Variants in MLLT1 observed in about 807,000 individuals in gnomAD.
MLLT1 encodes the protein protein ENL.
Under a neutral mutation model 55.1 loss-of-function variants are expected in MLLT1, and 11 were observed. The ratio of observed to expected loss-of-function variants is 0.20; its 90% CI spans 0.13 to 0.33. The LOEUF is 0.33. MLLT1 is among the 10% of genes least tolerant of loss of function. The pLI is 1.00. For synonymous variants in MLLT1, 323 were observed against 320.1 expected (o/e 1.01, Z -0.10); for missense variants, 536 against 760.6 (o/e 0.70, Z 3.47).
Position 6,230,182 on chromosome 19 carries a change from C to T in MLLT1, c.420+388G>A, listed in dbSNP as rs756426924. Among the ~76,000 whole-genome samples the T allele has an allele frequency of 5.8e-4, 88 of 152,296 alleles. No individual in the cohort carries two copies. The highest frequency in any genetic ancestry group is 1.2e-3 in the Admixed American group (18 of 15,306). On this transcript the variant is annotated intron_variant, in intron 4 of 11. Transcript: ENST00000252674. This position sits in a 1 kb window ranked among gnomAD's most constrained non-coding sequence, Gnocchi z 9.0. Reference sequence around the variant, plus strand: ...CCCAGAGCTGGCACTGTCGTCTGGCCTCCCGAAGTCAGAGGTGATGGCGAT... The same window carrying T: ...CCCAGAGCTGGCACTGTCGTCTGGCTTCCCGAAGTCAGAGGTGATGGCGAT...
chr19:6,217,287 C>T (rs1293094403), intron 7 of MLLT1, among the ~76,000 whole-genome samples: 1 of 152,186 alleles, frequency 6.6e-6, no homozygotes, highest in Non-Finnish European at 1.5e-5. Context: ...GGATTCCAGG[C>T]CAAGGGGGAA....
At position 6,231,329 on chromosome 19, in the gene MLLT1, G is replaced by A. The variant is rs1372815855; in HGVS notation, c.277-616C>T. On this transcript the variant is annotated intron_variant, in intron 3 of 11. Transcript: ENST00000252674. This position sits in a 1 kb window ranked among gnomAD's most constrained non-coding sequence, Gnocchi z 5.1. ...GGCGCTGATGGATTTTCCGCACGAA[G>A]GTGTGAGGAGTTGACAGGGTGGCCT... Among the ~76,000 whole-genome samples the A allele has an allele frequency of 1.3e-5, 2 of 152,182 alleles. No homozygotes were observed. The highest frequency in any genetic ancestry group is 3.9e-4 in the East Asian group (2 of 5,184).
chr19:6,233,697 C>G (rs552600058), intron 3 of MLLT1, among the ~76,000 whole-genome samples: 1 of 152,366 alleles, frequency 6.6e-6, no homozygotes, highest in East Asian at 1.9e-4. Flanking sequence ...GGATGCCAGG[C>G]CCTGGCGCCT....
chr19:6,260,496 G>C (rs1409665894), intron 3 of MLLT1, among the ~76,000 whole-genome samples: 2 of 152,226 alleles, frequency 1.3e-5, no homozygotes, highest in Non-Finnish European at 2.9e-5. Context: ...TACTAAGCAA[G>C]GATGACAAGC....
intron 3 of MLLT1, among the ~76,000 whole-genome samples, chr19:6,255,126 C>T (rs1026771119): frequency 2.0e-5 from 3 of 152,178 alleles, no homozygotes; most frequent in Admixed American, 6.5e-5. Flanking sequence ...TGCTTCTATA[C>T]ACCTGCAATG....
chr19:6,228,647 T>A lies in MLLT1; in HGVS notation c.421-1545A>T, dbSNP rs530265294. On this transcript the variant is annotated intron_variant, in intron 4 of 11. Transcript: ENST00000252674. ...ACAGAAACCAGCCCCTCCTCCCGGG[T>A]CTCCCAGCACCCACGGCGGGGGGCT... Among the ~76,000 whole-genome samples the A allele has an allele frequency of 3.2e-3, 481 of 151,926 alleles. 1 individual carries two copies. The highest frequency in any genetic ancestry group is 6.0e-3 in the Non-Finnish European group (405 of 67,934).
At chr19:6,250,604 C>T (rs2091204783) in intron 3 of MLLT1, among the ~76,000 whole-genome samples, 2 of 152,240 alleles carry the variant, frequency 1.3e-5, no homozygotes, top group African/African-American at 4.8e-5. Context: ...CTACACATCA[C>T]TGCATTCACG....
intron 10 of MLLT1, 54 bp downstream of exon 10, chr19:6,213,672 T>TTGCC: frequency 5.9e-5 from 63 of 1,075,238 alleles, no homozygotes; most frequent in Non-Finnish European, 7.5e-5. Flanking sequence ...TGGCTGCAAC[T>TTGCC]CCCACCACCC....
At chr19:6,278,487 GA>G (rs1331332584) in intron 1 of MLLT1, among the ~76,000 whole-genome samples, 35 of 151,642 alleles carry the variant, frequency 2.3e-4, no homozygotes, top group Non-Finnish European at 3.8e-4. Flanking sequence ...GATCCTGGGG[GA>G]AAAAAACAGA....
intron 3 of MLLT1, among the ~76,000 whole-genome samples, chr19:6,255,384 T>G (rs2091249522): frequency 6.6e-6 from 1 of 152,090 alleles, no homozygotes; most frequent in Non-Finnish European, 1.5e-5. Context: ...TTCCAGCTAC[T>G]CGGGAGGCTG....
intron 8 of MLLT1, among the ~76,000 whole-genome samples, chr19:6,214,489 AGCAG>A (rs982865113): frequency 3.3e-5 from 5 of 152,274 alleles, no homozygotes; most frequent in Middle Eastern, 3.4e-3. Context: ...TGCTCTGGAC[AGCAG>A]GCCTCCATCA....
In MLLT1 at chr19:6,211,646, C is replaced by T. The variant is rs2090773164; in HGVS notation, c.*1396G>A. ...TCATAACTTGGTCAGGGCACAAGGA[C>T]TTGAAAGGACTTGAAAGTCAGGGGG... is the stretch of plus-strand genomic sequence containing the variant. On this transcript the variant is annotated 3_prime_UTR_variant, in exon 12 of 12. Transcript: ENST00000252674. The surrounding 1 kb of genome is among the most constrained non-coding windows in gnomAD (Gnocchi z 4.6). 18 of 1,064,560 alleles carry T rather than the reference C, an allele frequency of 1.7e-5. No homozygotes were observed. Among genetic ancestry groups the T allele is most frequent in the Non-Finnish European group, 2.0e-5 (18 of 878,782 alleles). 65.9% of individuals were successfully genotyped at this position (1,064,560 alleles called of 1,614,324 possible).
chr19:6,274,005 G>C (rs2091414256), intron 1 of MLLT1, among the ~76,000 whole-genome samples: 1 of 152,254 alleles, frequency 6.6e-6, no homozygotes, highest in Non-Finnish European at 1.5e-5. Context: ...GGCAGCGATG[G>C]GTAATCTTTG....
rs1370898593 is a variant in MLLT1 at position 6,219,009 on chromosome 19, G to A, written c.1111-968C>T. Among the ~76,000 whole-genome samples the A allele has an allele frequency of 1.3e-5, 2 of 152,116 alleles. No individual in the cohort carries two copies. Among genetic ancestry groups the A allele is most frequent in the African/African-American group, 2.4e-5 (1 of 41,426 alleles). The stretch of plus-strand genomic sequence containing the variant: ...GGTCTGCTGGATTCTGGCAGGGGCC[G>A]CTGCAGCCGCCAGCCATGCAAGGGA... On this transcript the variant is annotated intron_variant, in intron 6 of 11. Transcript: ENST00000252674. The surrounding 1 kb of genome is among the most constrained non-coding windows in gnomAD (Gnocchi z 4.5).
At chr19:6,249,588 C>T (rs538409776) in intron 3 of MLLT1, among the ~76,000 whole-genome samples, 11 of 152,288 alleles carry the variant, frequency 7.2e-5, no homozygotes, top group African/African-American at 1.7e-4. Flanking sequence ...GCCTCGAGGC[C>T]GCATGTGATG....
Position 6,213,161 on chromosome 19 carries a change from G to C in MLLT1, c.1561C>G (p.Leu521Val). 1 of 1,613,978 alleles carries C rather than the reference G, an allele frequency of 6.2e-7. No individual in the cohort carries two copies. Among genetic ancestry groups the C allele is most frequent in the South Asian group, 1.1e-5 (1 of 91,080 alleles). The change falls in exon 12 of 12, where the codon CTG becomes GTG. Residue 521 changes from leucine to valine, a missense_variant. By Grantham distance (32) the Leu-to-Val change is conservative. Around this residue, in one of 3 missense-constraint regions of MLLT1, gnomAD observed 25 missense variants for 75.8 expected, o/e 0.33. Transcript: ENST00000252674. ...TTGAAGTGGCCAGTCTCCTCGATCA[G>C]ATTCACAATCTGTAAGGTGGTGGCA... Reference protein sequence around the residue: ...ERNVLQQIVNLIEETGHFNVT... With the variant: ...ERNVLQQIVNVIEETGHFNVT...
At chr19:6,269,295 G>C (rs1425158976) in intron 2 of MLLT1, among the ~76,000 whole-genome samples, 1 of 152,248 alleles carries the variant, frequency 6.6e-6, no homozygotes, top group Admixed American at 6.5e-5. Context: ...CTGCAGAAGA[G>C]GGCTGTGGCG....
At position 6,217,979 on chromosome 19, in the gene MLLT1, G is replaced by A. The variant is rs764874648; in HGVS notation, c.1173C>T (p.Phe391=). Residue 391 remains phenylalanine (F), a synonymous_variant, in exon 7 of 12, where the codon TTC becomes TTT. Transcript: ENST00000252674. The part of the protein sequence containing the change: ...SSSDSSSDSD[F]EPSQNHSQGP... The stretch of plus-strand genomic sequence containing the variant: ...CTTGGCTGTGGTTCTGGGATGGCTC[G>A]AAGTCTGAGTCTGAGCTGGAGTCTG... 2.5e-6 allele frequency: 4 copies of A among 1,606,654 alleles called. No individual in the cohort carries two copies. Among genetic ancestry groups the A allele is most frequent in the Admixed American group, 1.7e-5 (1 of 58,682 alleles).
In MLLT1 at chr19:6,213,972, T is replaced by C. The variant is rs1368699326; in HGVS notation, c.1374A>G (p.Pro458=). Reference sequence around the variant, plus strand: ...TGGGCGGGGGTGGCTTCTGGGGGGGTGGGGGCTCACGGCTGGGCAGGGAGG... The same window carrying C: ...TGGGCGGGGGTGGCTTCTGGGGGGGCGGGGGCTCACGGCTGGGCAGGGAGG... ...ADSSLPSREP[P]PPQKPPPPNS... Residue 458 remains proline, a synonymous_variant, in exon 9 of 12, where the codon CCA becomes CCG. Coordinates refer to ENST00000252674, the MANE Select transcript of MLLT1 (RefSeq NM_005934.4). 23 of 1,335,468 alleles carry C rather than the reference T, an allele frequency of 1.7e-5. No homozygotes were observed. Among genetic ancestry groups the C allele is most frequent in the Non-Finnish European group, 2.2e-5 (22 of 998,176 alleles). 82.7% of individuals were successfully genotyped at this position (1,335,468 alleles called of 1,614,324 possible).
Sources: allele counts gnomAD v4.1 joint callset (sites outside exome capture counted in the v4.1 genomes callset), GRCh38; gene constraint gnomAD v4.1.1; regional missense constraint gnomAD v4.1.1; non-coding constraint Gnocchi (gnomAD v3.1); transcripts MANE v1.5; gene names NCBI Gene and HGNC (gene_info 2026-07-23, HGNC 2026-07-21).